ABCA6: variants seen among roughly 807,000 people sequenced by gnomAD.
ABCA6 encodes the protein ATP-binding cassette sub-family A member 6.
A neutral mutation model predicts 191.2 loss-of-function variants in ABCA6; 164 were observed. That is an observed-to-expected ratio of 0.86 (90% confidence interval 0.76 to 0.98). The LOEUF (loss-of-function observed/expected upper bound fraction) is 0.98, where lower values mean the gene tolerates loss of function less well. Among genes scored for constraint, ABCA6 ranks in the 50% least tolerant of loss-of-function variants. ABCA6 has a pLI of 0.00. For missense variants in ABCA6, 1,958 were observed against 1,894.1 expected (o/e 1.03, Z -0.63); for synonymous variants, 636 against 647.7 (o/e 0.98, Z 0.27).
intron 17 of ABCA6, chr17:69,108,840 G>A (rs909700308): frequency 1.3e-5 from 2 of 152,186 alleles, no homozygotes; most frequent in African/African-American, 4.8e-5. Flanking sequence ...AGACAGCAGA[G>A]GCCTTGGGTC....
At chr17:69,132,246 G>A (rs2073876786) in intron 6 of ABCA6, among the ~76,000 whole-genome samples, 1 of 151,928 alleles carries the variant, frequency 6.6e-6, no homozygotes, top group South Asian at 2.1e-4. Context: ...CTTGATATGG[G>A]GCATAGATAG....
At chr17:69,098,722 A>G (rs540163390) in intron 22 of ABCA6, 1 of 152,252 alleles carries the variant, frequency 6.6e-6, no homozygotes, top group South Asian at 2.1e-4. Flanking sequence ...CAGTTACAAA[A>G]AGACAAATAT....
chr17:69,110,976 T>C (rs2073411764), intron 16 of ABCA6, 36 bp from the exon 17 acceptor site: 4 of 1,555,176 alleles, frequency 2.6e-6, no homozygotes, highest in Non-Finnish European at 3.5e-6. Flanking sequence ...CATTTGCATT[T>C]TCTCCACCAC....
chr17:69,136,126 T>G lies in ABCA6; in HGVS notation c.426A>C (p.Gly142=), dbSNP rs766946568. Residue 142 remains glycine, a synonymous_variant, in exon 4 of 39, where the codon GGA becomes GGC. Coordinates refer to ENST00000284425, the MANE Select transcript of ABCA6 (RefSeq NM_080284.3). The stretch of plus-strand genomic sequence containing the variant: ...CTTCTTTCCAAAGTGGACTGTTATA[T>G]CCCTGGAAAAATATTAACTTATAAG... ...TFSYKLIFFQ[G]YNSPLWKEDF... is the part of the protein sequence containing the mutation. 1 of 1,610,306 alleles carries G rather than the reference T, an allele frequency of 6.2e-7. No homozygotes were observed. The highest frequency in any genetic ancestry group is 8.5e-7 in the Non-Finnish European group (1 of 1,177,982).
intron 37 of ABCA6, among the ~76,000 whole-genome samples, chr17:69,080,029 T>C (rs2072591633): frequency 6.6e-6 from 1 of 152,108 alleles, no homozygotes; most frequent in African/African-American, 2.4e-5. Flanking sequence ...GGAAGAAGCC[T>C]GGATGTTTAG....
intron 23 of ABCA6, among the ~76,000 whole-genome samples, chr17:69,097,120 T>A (rs1465354304): frequency 6.6e-6 from 1 of 152,178 alleles, no homozygotes; most frequent in African/African-American, 2.4e-5. Flanking sequence ...TTGGCCAGCA[T>A]GGTGGCTCAC....
chr17:69,128,590 A>G (rs1439282702), intron 8 of ABCA6, 29 bp downstream of exon 8: 1 of 1,560,148 alleles, frequency 6.4e-7, no homozygotes, highest in South Asian at 1.2e-5. Context: ...TTGAAATTTC[A>G]GTAATAAACC....
In ABCA6 at chr17:69,097,924, T is replaced by C; in HGVS notation, c.3116A>G (p.Tyr1039Cys). Residue 1039 changes from tyrosine (Y) to cysteine (C), a missense_variant, in exon 23 of 39, where the codon TAC (tyrosine) becomes TGC (cysteine). Transcript: ENST00000284425. ...CTTTTCCCTGCTTTTTCTTACCTTG[T>C]AATCACTGATGCTGCCCATGGTGAT... ...PYITMGSISDYKKNAKSQLWI... is the reference protein window; with the variant it reads ...PYITMGSISDCKKNAKSQLWI... 1 of 1,584,282 alleles carries C rather than the reference T, an allele frequency of 6.3e-7. No individual in the cohort carries two copies. Among genetic ancestry groups the C allele is most frequent in the East Asian group, 2.3e-5 (1 of 44,356 alleles).
intron 18 of ABCA6, 33 bp downstream of exon 18, chr17:69,107,663 T>C: frequency 7.4e-7 from 1 of 1,354,566 alleles, no homozygotes; most frequent in Non-Finnish European, 1.0e-6. Flanking sequence ...CATTTGGGAA[T>C]TGGTTTTCTG....
At chr17:69,114,112 C>T (rs2073487877) in intron 13 of ABCA6, among the ~76,000 whole-genome samples, 1 of 152,098 alleles carries the variant, frequency 6.6e-6, no homozygotes, top group Non-Finnish European at 1.5e-5. Context: ...GACACATGCA[C>T]ACGTATGTTT....
rs147055364 is a variant in ABCA6 at position 69,097,934 on chromosome 17, T to C, written c.3106A>G (p.Ile1036Val). Residue 1036 changes from isoleucine to valine, a missense_variant, in exon 23 of 39, where the codon ATC becomes GTC. By Grantham distance (29) the Ile-to-Val change is conservative (BLOSUM62 3). Coordinates refer to ENST00000284425, the MANE Select transcript of ABCA6 (RefSeq NM_080284.3). ...CTTTTTCTTACCTTGTAATCACTGATGCTGCCCATGGTGATATAAGGAGAA... is the reference window on the plus strand; with the variant it reads ...CTTTTTCTTACCTTGTAATCACTGACGCTGCCCATGGTGATATAAGGAGAA... ...SISPYITMGS[I>V]SDYKKNAKSQ... 9.0e-5 allele frequency: 144 copies of C among 1,596,660 alleles called. No individual in the cohort carries two copies. Among genetic ancestry groups the C allele is most frequent in the Non-Finnish European group, 1.1e-4 (125 of 1,174,924 alleles).
chr17:69,117,838 T>C, intron 11 of ABCA6, 60 bp downstream of exon 11: 2 of 1,275,728 alleles, frequency 1.6e-6, no homozygotes, highest in Admixed American at 4.2e-5. Flanking sequence ...ATTGAATGTT[T>C]CCCTTTTTTA....
chr17:69,090,922 C>A (rs1352411473), intron 26 of ABCA6, among the ~76,000 whole-genome samples: 1 of 152,084 alleles, frequency 6.6e-6, no homozygotes, highest in Non-Finnish European at 1.5e-5. Context: ...AAAATTCACT[C>A]ATTTTAAGAG....
chr17:69,105,286 C>A (rs1255278076), intron 20 of ABCA6, 176 bp downstream of exon 20: 3 of 635,882 alleles, frequency 4.7e-6, no homozygotes, highest in African/African-American at 3.8e-5. Context: ...TCCTCATCAT[C>A]CCTGTCATCT....
intron 20 of ABCA6, chr17:69,103,907 A>T (rs937569730): frequency 1.8e-4 from 2 of 10,880 alleles, no homozygotes; most frequent in African/African-American, 3.5e-4. Flanking sequence ...GAGGAAAAGA[A>T]GGACTTTTTT....
rs758101446 is a variant in ABCA6 at position 69,114,944 on chromosome 17, A to ATTC, written c.1607-8_1607-7insGAA. On this transcript the variant is annotated splice_region_variant and splice_polypyrimidine_tract_variant and intron_variant, in intron 12 of 38. Coordinates refer to ENST00000284425, the MANE Select transcript of ABCA6 (RefSeq NM_080284.3). The stretch of plus-strand genomic sequence containing the variant: ...TTATAGATGGTAACTGATCCTAAGA[A>ATTC]TAGAAGTTAAAAATAAAATTGGCAA... 1 of 1,581,934 alleles carries ATTC rather than the reference A, an allele frequency of 6.3e-7. No homozygotes were observed. Among genetic ancestry groups the ATTC allele is most frequent in the Non-Finnish European group, 8.6e-7 (1 of 1,163,254 alleles).
chr17:69,137,665 C>T (rs2073971483), intron 2 of ABCA6, among the ~76,000 whole-genome samples, 165 bp from the exon 3 acceptor site: 1 of 152,176 alleles, frequency 6.6e-6, no homozygotes. Flanking sequence ...AAGATAAATA[C>T]TGAGACAGTA....
At chr17:69,080,701 G>C (rs890361523) in intron 37 of ABCA6, among the ~76,000 whole-genome samples, 3 of 152,200 alleles carry the variant, frequency 2.0e-5, no homozygotes, top group Non-Finnish European at 4.4e-5. Context: ...AGGTGGATAT[G>C]TAAGGAAAGA....
At chr17:69,093,668 C>A (rs2072982113) in intron 25 of ABCA6, among the ~76,000 whole-genome samples, 1 of 152,138 alleles carries the variant, frequency 6.6e-6, no homozygotes, top group Non-Finnish European at 1.5e-5. Flanking sequence ...AATAAAAGCT[C>A]TCCTGTATCC....
Sources: gnomAD v4.1 joint callset for allele counts (sites outside exome capture counted in the v4.1 genomes callset) on GRCh38, gnomAD v4.1.1 for gene constraint, MANE v1.5 for transcripts, NCBI Gene and HGNC (gene_info 2026-07-23, HGNC 2026-07-21) for gene names.